The following LYAR variants were observed in gnomAD, a reference collection of about 807,000 sequenced individuals.
The protein encoded by LYAR is cell growth-regulating nucleolar protein.
LYAR carries 37 observed loss-of-function variants against 45.2 expected under a neutral mutation model. The ratio of observed to expected loss-of-function variants is 0.82; its 90% CI spans 0.63 to 1.08. LYAR has a LOEUF of 1.08. Among genes scored for constraint, LYAR ranks in the 50% least tolerant of loss-of-function variants. LYAR has a pLI of 0.00. For missense variants in LYAR, 493 were observed against 451.0 expected, an observed-to-expected ratio of 1.09 and a Z score of -0.84; for synonymous variants, 176 against 155.1, an observed-to-expected ratio of 1.14 and a Z score of -1.00.
chr4:4,289,547 T>G (rs1719772105), intron 1 of LYAR: 2 of 152,346 alleles, frequency 1.3e-5, no homozygotes, highest in South Asian at 2.1e-4. Context: ...CCGAGTTAGA[T>G]TCTATATGTT....
intron 6 of LYAR, among the ~76,000 whole-genome samples, chr4:4,277,890 C>T (rs1719250087): frequency 6.6e-6 from 1 of 152,202 alleles, no homozygotes; most frequent in Non-Finnish European, 1.5e-5. Context: ...CTCTGCTCTG[C>T]ACTACAAACA....
rs180853467 is a variant in LYAR at position 4,274,397 on chromosome 4, C to A, written c.802G>T (p.Ala268Ser). Residue 268 changes from alanine (A) to serine (S), a missense_variant, in exon 7 of 10, where the codon GCA (alanine) becomes TCA (serine). Coordinates refer to ENST00000343470, the MANE Select transcript of LYAR (RefSeq NM_017816.3). ...SASEEEARVG[A>S]GKRKRRHSEV... Reference sequence around the variant, plus strand: ...GAGTGCCTCCGCTTCCTCTTCCCTGCGCCCACGCGTGCCTCTTCCTCACTG... The same window carrying A: ...GAGTGCCTCCGCTTCCTCTTCCCTGAGCCCACGCGTGCCTCTTCCTCACTG... The A allele has an allele frequency of 5.6e-4, 902 of 1,613,320 alleles. 8 individuals are homozygous for A. In the East Asian group the frequency reaches 0.018, roughly 32 times the overall value.
chr4:4,275,749 G>A (rs1464801735), intron 6 of LYAR, among the ~76,000 whole-genome samples: 1 of 152,042 alleles, frequency 6.6e-6, no homozygotes, highest in Non-Finnish European at 1.5e-5. Flanking sequence ...AGGCTGGAGT[G>A]CAGTGGTGCA....
chr4:4,270,258 T>C (rs1240680449), intron 8 of LYAR, among the ~76,000 whole-genome samples: 3 of 91,410 alleles, frequency 3.3e-5, no homozygotes, highest in Admixed American at 2.7e-4. Flanking sequence ...CTACATAAAA[T>C]GTTGATTTGT....
intron 4 of LYAR, among the ~76,000 whole-genome samples, chr4:4,280,891 T>C (rs904825103): frequency 6.6e-6 from 1 of 152,242 alleles, no homozygotes; most frequent in African/African-American, 2.4e-5. Context: ...GAATTTTCAA[T>C]AGATGACATC....
At chr4:4,286,759 G>A (rs1428496568) in intron 1 of LYAR, among the ~76,000 whole-genome samples, 187 bp from the exon 2 acceptor site, 1 of 147,308 alleles carries the variant, frequency 6.8e-6, no homozygotes, top group Non-Finnish European at 1.5e-5. Context: ...CCATTCTCTT[G>A]CCTCAGCCTC....
intron 6 of LYAR, among the ~76,000 whole-genome samples, chr4:4,276,566 G>A (rs1319235775): frequency 7.0e-6 from 1 of 142,632 alleles, no homozygotes; most frequent in Admixed American, 7.1e-5. Flanking sequence ...AAAGAAAACG[G>A]ATACTGTAGG....
chr4:4,268,142 A>T (rs1285989604), intron 9 of LYAR, 119 bp from the exon 10 acceptor site: 2 of 929,382 alleles, frequency 2.2e-6, no homozygotes, highest in African/African-American at 3.5e-5. Context: ...GGAGCAAGCG[A>T]CACCGGCGTG....
chr4:4,282,530 CA>C (rs1295393876), intron 3 of LYAR, among the ~76,000 whole-genome samples: 1 of 151,624 alleles, frequency 6.6e-6, no homozygotes, highest in Non-Finnish European at 1.5e-5. Flanking sequence ...TAGCAGTTTC[CA>C]AAAAAAATCA....
At chr4:4,274,252 A>C (rs9996253) in intron 7 of LYAR, 115 bp downstream of exon 7, 85,261 of 1,215,254 alleles carry the variant, frequency 0.07, 10,222 homozygotes, top group African/African-American at 0.51. Flanking sequence ...AAACAAAAAA[A>C]AAAAAAACCA....
intron 1 of LYAR, among the ~76,000 whole-genome samples, chr4:4,287,065 G>A (rs1422470058): frequency 1.3e-5 from 2 of 152,220 alleles, no homozygotes; most frequent in African/African-American, 4.8e-5. Flanking sequence ...GGGCTCAGAT[G>A]TGACAGATTT....
intron 3 of LYAR, among the ~76,000 whole-genome samples, chr4:4,282,397 C>T (rs755260303): frequency 1.3e-5 from 2 of 152,084 alleles, no homozygotes. Flanking sequence ...CTTTGTAAAG[C>T]TCTATGGGGT....
intron 1 of LYAR, among the ~76,000 whole-genome samples, chr4:4,289,098 G>A (rs1719745931): frequency 6.6e-6 from 1 of 152,206 alleles, no homozygotes; most frequent in African/African-American, 2.4e-5. Flanking sequence ...AAACCTTTGT[G>A]TATGAGGCTG....
Position 4,279,650 on chromosome 4 carries a change from T to G in LYAR, c.337A>C (p.Lys113Gln), listed in dbSNP as rs756110875. Residue 113 changes from lysine (K) to glutamine (Q), a missense_variant, in exon 5 of 10, where the codon AAA becomes CAA. By Grantham distance (53) the Lys-to-Gln change is moderately conservative. Transcript: ENST00000343470. Reference protein sequence around the residue: ...AFDNVPRKKAKFQNWMKNSLK... With the variant: ...AFDNVPRKKAQFQNWMKNSLK... Reference sequence around the variant, plus strand: ...AGAAAGTCAATTCATACCTGAAATTTTGCCTTTTTCCTGGGAACGTTGTCA... The same window carrying G: ...AGAAAGTCAATTCATACCTGAAATTGTGCCTTTTTCCTGGGAACGTTGTCA... The G allele has an allele frequency of 1.9e-6, 3 of 1,613,694 alleles. No homozygotes were observed. The highest frequency in any genetic ancestry group is 2.5e-6 in the Non-Finnish European group (3 of 1,179,660).
At chr4:4,285,749 G>T (rs2280927) in intron 2 of LYAR, among the ~76,000 whole-genome samples, 35,396 of 152,104 alleles carry the variant, frequency 0.23, 4,814 homozygotes, top group Admixed American at 0.31. Flanking sequence ...TTCTATTTCT[G>T]GATGGAGTGG....
intron 8 of LYAR, among the ~76,000 whole-genome samples, chr4:4,269,732 A>C (rs1168664369): frequency 6.6e-6 from 1 of 152,210 alleles, no homozygotes; most frequent in Non-Finnish European, 1.5e-5. Flanking sequence ...CCTTACAAAA[A>C]CAACTAACTC....
intron 1 of LYAR, chr4:4,289,764 C>T (rs1719782160): frequency 6.6e-6 from 1 of 152,290 alleles, no homozygotes. Flanking sequence ...TGCAGCAAGC[C>T]TGAAGCCCAG....
intron 3 of LYAR, 136 bp from the exon 4 acceptor site, chr4:4,282,033 T>C: frequency 1.7e-6 from 1 of 594,978 alleles, no homozygotes; most frequent in South Asian, 2.3e-5. Context: ...CCCCATCTAT[T>C]TCACTTATTA....
chr4:4,274,240 A>G, intron 7 of LYAR, 127 bp downstream of exon 7: 1 of 1,146,526 alleles, frequency 8.7e-7, no homozygotes, highest in Non-Finnish European at 1.2e-6. Flanking sequence ...CCGTCTCAAA[A>G]AAAACAAAAA....
Sources: allele counts gnomAD v4.1 joint callset (sites outside exome capture counted in the v4.1 genomes callset), GRCh38; gene constraint gnomAD v4.1.1; transcripts MANE v1.5; gene names NCBI Gene and HGNC (gene_info 2026-07-23, HGNC 2026-07-21).